Variants in ANKRD12 observed in about 807,000 individuals in gnomAD.
The protein encoded by ANKRD12 is ankyrin repeat domain 12.
ANKRD12 carries 85 observed loss-of-function variants against 183.4 expected under a neutral mutation model. The ratio of observed to expected loss-of-function variants is 0.46; its 90% confidence interval spans 0.39 to 0.56. The LOEUF is 0.56. ANKRD12 is among the 20% of genes least tolerant of loss of function. The pLI is 0.00. For synonymous variants in ANKRD12, 914 were observed against 800.2 expected, an observed-to-expected ratio of 1.14 and a Z score of -2.40; for missense variants, 2,405 against 2,357.1, an observed-to-expected ratio of 1.02 and a Z score of -0.42.
chr18:9,228,698 G>C (rs1191807011), intron 8 of ANKRD12, among the ~76,000 whole-genome samples: 3 of 152,088 alleles, frequency 2.0e-5, no homozygotes, highest in Non-Finnish European at 4.4e-5. Context: ...TGAATTTCTT[G>C]TATATTCTGG....
chr18:9,159,802 A>T lies in ANKRD12; in HGVS notation c.-51-22580A>T, dbSNP rs2031148206. Among the ~76,000 whole-genome samples the T allele has an allele frequency of 4.2e-5, 6 of 141,488 alleles. No individual in the cohort carries two copies. The South Asian group carries it at 8.9e-4, about 21-fold the overall frequency. The allele number at this position is 141,488 out of a possible 152,430, so 92.8% of individuals were successfully genotyped here. ...CTTTATACATGTATAGTAGTTTCAG[A>T]TTTTTTTTTTTTAATTATTTGAGAC... On this transcript the variant is annotated intron_variant, in intron 1 of 12. Coordinates refer to ENST00000262126, the MANE Select transcript of ANKRD12 (RefSeq NM_015208.5).
At chr18:9,151,754 T>C (rs2078692805) in intron 1 of ANKRD12, among the ~76,000 whole-genome samples, 1 of 152,216 alleles carries the variant, frequency 6.6e-6, no homozygotes, top group Admixed American at 6.5e-5. Context: ...AGTTAGGAAC[T>C]TGCATTCCTT....
intron 1 of ANKRD12, among the ~76,000 whole-genome samples, chr18:9,158,597 A>G (rs2030946323): frequency 6.6e-6 from 1 of 152,224 alleles, no homozygotes; most frequent in Non-Finnish European, 1.5e-5. Context: ...TCAAGGGTAC[A>G]TACTATCAAC....
intron 7 of ANKRD12, among the ~76,000 whole-genome samples, chr18:9,219,052 T>A (rs1229504324): frequency 6.6e-6 from 1 of 152,198 alleles, no homozygotes; most frequent in African/African-American, 2.4e-5. Flanking sequence ...ACTTCTAATT[T>A]ATTGACTGTT....
At chr18:9,143,796 A>G (rs947398569) in intron 1 of ANKRD12, among the ~76,000 whole-genome samples, 1 of 151,912 alleles carries the variant, frequency 6.6e-6, no homozygotes, top group Non-Finnish European at 1.5e-5. Context: ...ATATGACCAA[A>G]CACCACCACC....
chr18:9,186,136 G>GTTTTTTTTTTTTTTTTTTTT, intron 2 of ANKRD12, among the ~76,000 whole-genome samples: 24 of 141,926 alleles, frequency 1.7e-4, no homozygotes, highest in South Asian at 4.4e-4. Flanking sequence ...CTAAAAGTGT[G>GTTTTTTTTTTTTTTTTTTTT]ATTTTTTTTT....
intron 11 of ANKRD12, among the ~76,000 whole-genome samples, chr18:9,277,321 CTTTTTTTTT>C (rs773999861): frequency 4.7e-5 from 4 of 84,644 alleles, no homozygotes; most frequent in East Asian, 3.7e-4. Context: ...CACCCTGTTT[CTTTTTTTTT>C]TTTTTTTTTT....
At chr18:9,165,419 C>A (rs137965373) in intron 1 of ANKRD12, among the ~76,000 whole-genome samples, 201 of 152,230 alleles carry the variant, frequency 1.3e-3, no homozygotes, top group African/African-American at 4.6e-3. Context: ...TAAGTACATT[C>A]ACATTGTCAT....
intron 2 of ANKRD12, among the ~76,000 whole-genome samples, chr18:9,184,811 A>G (rs2033936836): frequency 6.6e-6 from 1 of 152,196 alleles, no homozygotes; most frequent in African/African-American, 2.4e-5. Context: ...TCACCCCAAT[A>G]TATACTCTTG....
At chr18:9,153,631 A>G (rs1235517456) in intron 1 of ANKRD12, among the ~76,000 whole-genome samples, 5 of 151,928 alleles carry the variant, frequency 3.3e-5, no homozygotes, top group Admixed American at 6.6e-5. Context: ...ATTTTTTCAA[A>G]TATTTTGTTT....
chr18:9,275,640 A>G lies in ANKRD12; in HGVS notation c.5880A>G (p.Glu1960=). The G allele has an allele frequency of 6.2e-7, 1 of 1,604,132 alleles. No individual in the cohort carries two copies. Among genetic ancestry groups the G allele is most frequent in the African/African-American group, 1.3e-5 (1 of 74,976 alleles). The change falls in exon 11 of 13, where the codon GAA becomes GAG. Residue 1960 remains glutamate, a synonymous_variant. Transcript: ENST00000262126. The part of the protein sequence containing the change: ...FSACTVLLDA[E]VYNVPLDSQS... The stretch of plus-strand genomic sequence containing the variant: ...CTTGTACTGTTTTGCTGGATGCCGA[A>G]GTATACAATGTACCATTGGACTCTC...
intron 8 of ANKRD12, among the ~76,000 whole-genome samples, chr18:9,234,709 C>T (rs2144912040): frequency 6.6e-6 from 1 of 152,204 alleles, no homozygotes; most frequent in Non-Finnish European, 1.5e-5. Flanking sequence ...TGCCCAGTTC[C>T]AGCCGCTTAG....
intron 9 of ANKRD12, among the ~76,000 whole-genome samples, chr18:9,261,471 T>C (rs999168987): frequency 4.6e-5 from 7 of 152,154 alleles, no homozygotes; most frequent in African/African-American, 1.7e-4. Flanking sequence ...AATTGTAAGA[T>C]TGTAAAGAAT....
chr18:9,159,223 A>G (rs1048714334), intron 1 of ANKRD12, among the ~76,000 whole-genome samples: 1 of 152,000 alleles, frequency 6.6e-6, no homozygotes, highest in African/African-American at 2.4e-5. Flanking sequence ...TAGTAAGGAA[A>G]TATATGTGTA....
Position 9,254,431 on chromosome 18 carries a change from AAATG to A in ANKRD12, c.1167_1170del (p.Glu390LeufsTer71). The A allele has an allele frequency of 6.3e-7, 1 of 1,584,746 alleles. No individual in the cohort carries two copies. The highest frequency in any genetic ancestry group is 8.5e-7 in the Non-Finnish European group (1 of 1,170,190). On this transcript the variant is annotated frameshift_variant, in exon 9 of 13. Coordinates refer to ENST00000262126, the MANE Select transcript of ANKRD12 (RefSeq NM_015208.5). LOFTEE classifies it high-confidence loss of function. ...TTCTTAGGAAAGAACAACGAAAAGAAAATGAACCTGAAGCAGAAAAAACTCATTT... is the reference window on the plus strand; with the variant it reads ...TTCTTAGGAAAGAACAACGAAAAGAAAACCTGAAGCAGAAAAAACTCATTT...
chr18:9,157,890 A>G (rs1394282232), intron 1 of ANKRD12, among the ~76,000 whole-genome samples: 2 of 152,160 alleles, frequency 1.3e-5, no homozygotes, highest in Admixed American at 6.5e-5. Flanking sequence ...TAAGTGGAGT[A>G]GAAAAGGTTT....
At chr18:9,148,144 T>C (rs1179037897) in intron 1 of ANKRD12, among the ~76,000 whole-genome samples, 2 of 152,190 alleles carry the variant, frequency 1.3e-5, no homozygotes, top group South Asian at 2.1e-4. Flanking sequence ...AGCCCTCTAC[T>C]GGTTTATGGA....
At chr18:9,254,056 T>C (rs2038452390) in intron 8 of ANKRD12, among the ~76,000 whole-genome samples, 155 bp from the exon 9 acceptor site, 1 of 152,210 alleles carries the variant, frequency 6.6e-6, no homozygotes, top group Non-Finnish European at 1.5e-5. Context: ...TTCTTACACA[T>C]TGCTATTACA....
intron 2 of ANKRD12, among the ~76,000 whole-genome samples, chr18:9,184,787 C>G (rs182797091): frequency 6.6e-6 from 1 of 152,118 alleles, no homozygotes; most frequent in African/African-American, 2.4e-5. Context: ...CAACCACAAT[C>G]AATTTTAGAA....
Sources: allele counts gnomAD v4.1 joint callset (sites outside exome capture counted in the v4.1 genomes callset), GRCh38; gene constraint gnomAD v4.1.1; transcripts MANE v1.5; gene names NCBI Gene and HGNC (gene_info 2026-07-23, HGNC 2026-07-21).